RBMS3: variants seen among roughly 807,000 people sequenced by gnomAD.
The protein encoded by RBMS3 is RNA binding motif single stranded interacting protein 3.
A neutral mutation model predicts 66.8 loss-of-function variants in RBMS3; 27 were observed. The observed-to-expected ratio is 0.40, with a 90% CI of 0.30 to 0.56. The LOEUF is 0.56. Among genes scored for constraint, RBMS3 ranks in the 20% least tolerant of loss-of-function variants. RBMS3 has a pLI of 0.40. For missense variants in RBMS3, 513 were observed against 549.5 expected (o/e 0.93, Z 0.66); for synonymous variants, 188 against 183.0 (o/e 1.03, Z -0.22).
intron 10 of RBMS3, among the ~76,000 whole-genome samples, chr3:29,929,684 T>C (rs2061056351): frequency 1.3e-5 from 2 of 152,188 alleles, no homozygotes; most frequent in African/African-American, 4.8e-5. Flanking sequence ...AATGCTATGT[T>C]TATAATTAAT....
chr3:29,493,595 A>G (rs1336099804), intron 3 of RBMS3, among the ~76,000 whole-genome samples: 6 of 152,154 alleles, frequency 3.9e-5, no homozygotes, highest in Admixed American at 3.3e-4. Flanking sequence ...TATTATTATT[A>G]TTATCTTAAC....
At chr3:29,511,889 G>T (rs1047491947) in intron 3 of RBMS3, among the ~76,000 whole-genome samples, 1 of 152,094 alleles carries the variant, frequency 6.6e-6, no homozygotes, top group African/African-American at 2.4e-5. Context: ...GAGCCACTTT[G>T]TTAACACTGT....
At chr3:29,429,191 C>A (rs1011919247) in intron 1 of RBMS3, among the ~76,000 whole-genome samples, 6 of 152,104 alleles carry the variant, frequency 3.9e-5, no homozygotes, top group African/African-American at 1.4e-4. Context: ...TCAGTTTCCT[C>A]ATTTGTAAAA....
At chr3:29,473,681 G>A (rs2042837986) in intron 2 of RBMS3, among the ~76,000 whole-genome samples, 1 of 152,250 alleles carries the variant, frequency 6.6e-6, no homozygotes, top group Non-Finnish European at 1.5e-5. Flanking sequence ...GAGAAATCGA[G>A]TGCAGCGCCA....
chr3:29,755,665 G>T (rs1017377397), intron 5 of RBMS3, among the ~76,000 whole-genome samples: 1 of 152,162 alleles, frequency 6.6e-6, no homozygotes, highest in African/African-American at 2.4e-5. Flanking sequence ...GGGCCTGCTT[G>T]GAAGGACTGT....
chr3:29,298,984 A>G (rs1202336050), intron 1 of RBMS3, among the ~76,000 whole-genome samples: 2 of 151,810 alleles, frequency 1.3e-5, no homozygotes, highest in African/African-American at 2.4e-5. Context: ...GAAGTTGATA[A>G]TTTATTTGAG....
At chr3:29,475,324 C>G (rs1338240912) in intron 2 of RBMS3, among the ~76,000 whole-genome samples, 1 of 151,382 alleles carries the variant, frequency 6.6e-6, no homozygotes, top group Non-Finnish European at 1.5e-5. Flanking sequence ...TCTTGTCTCA[C>G]TGCAACCTCC....
At chr3:29,487,240 G>A (rs1182632611) in intron 2 of RBMS3, among the ~76,000 whole-genome samples, 2 of 151,990 alleles carry the variant, frequency 1.3e-5, no homozygotes, top group Non-Finnish European at 2.9e-5. Flanking sequence ...TGGGGGAGAT[G>A]GGAAAGGGAG....
At chr3:29,926,252 A>C (rs984706163) in intron 10 of RBMS3, among the ~76,000 whole-genome samples, 3 of 152,202 alleles carry the variant, frequency 2.0e-5, no homozygotes, top group African/African-American at 7.2e-5. Context: ...GTTCTTTAAT[A>C]GGGTCGTGAC....
chr3:29,793,166 G>T (rs1298634363), intron 6 of RBMS3, among the ~76,000 whole-genome samples: 2 of 151,862 alleles, frequency 1.3e-5, no homozygotes, highest in African/African-American at 2.4e-5. Context: ...GGGAGGTGGA[G>T]GTTGCAGTGA....
intron 6 of RBMS3, among the ~76,000 whole-genome samples, chr3:29,810,683 A>T (rs909337469): frequency 3.3e-5 from 5 of 152,212 alleles, no homozygotes; most frequent in African/African-American, 1.2e-4. Context: ...GTATACATAT[A>T]TGTGTATGTG....
chr3:29,308,009 T>C (rs1333781585), intron 1 of RBMS3, among the ~76,000 whole-genome samples: 1 of 151,896 alleles, frequency 6.6e-6, no homozygotes, highest in African/African-American at 2.4e-5. Flanking sequence ...GAGTTAAATT[T>C]ATGAAAAATG....
intron 5 of RBMS3, among the ~76,000 whole-genome samples, chr3:29,759,715 C>G (rs897208700): frequency 4.6e-5 from 2 of 43,824 alleles, no homozygotes; most frequent in African/African-American, 1.3e-4. Context: ...CTCTTTCCTC[C>G]CCCCCCAGAG....
intron 2 of RBMS3, among the ~76,000 whole-genome samples, chr3:29,435,846 G>A (rs574166125): frequency 7.9e-5 from 12 of 151,936 alleles, no homozygotes; most frequent in Admixed American, 2.6e-4. Flanking sequence ...ATGGTGGCGG[G>A]CGCCTGTAGT....
At chr3:29,781,916 C>G (rs991536974) in intron 6 of RBMS3, among the ~76,000 whole-genome samples, 3 of 152,008 alleles carry the variant, frequency 2.0e-5, no homozygotes, top group Non-Finnish European at 2.9e-5. Flanking sequence ...CAGCCACAAT[C>G]CCCCCGGGAA....
chr3:29,622,096 T>C (rs2048887294), intron 4 of RBMS3, among the ~76,000 whole-genome samples: 1 of 152,114 alleles, frequency 6.6e-6, no homozygotes, highest in Non-Finnish European at 1.5e-5. Context: ...CTCTAAAATT[T>C]CATGGAAAAA....
At chr3:29,778,525 C>T (rs2056506288) in intron 6 of RBMS3, among the ~76,000 whole-genome samples, 1 of 151,498 alleles carries the variant, frequency 6.6e-6, no homozygotes, top group Non-Finnish European at 1.5e-5. Context: ...TCTCAAACAC[C>T]CTTAGGGAAA....
intron 1 of RBMS3, among the ~76,000 whole-genome samples, chr3:29,304,215 T>C (rs2033863757): frequency 6.6e-6 from 1 of 152,036 alleles, no homozygotes; most frequent in African/African-American, 2.4e-5. Flanking sequence ...GCTGTCATTT[T>C]TGGGTTTCAG....
At chr3:29,637,744 T>C (rs2049527172) in intron 4 of RBMS3, among the ~76,000 whole-genome samples, 1 of 151,914 alleles carries the variant, frequency 6.6e-6, no homozygotes, top group South Asian at 2.1e-4. Context: ...GAGTATTTAT[T>C]ACCAGGATAC....
Sources: allele counts gnomAD v4.1 joint callset (sites outside exome capture counted in the v4.1 genomes callset), GRCh38; gene constraint gnomAD v4.1.1; transcripts MANE v1.5; gene names NCBI Gene and HGNC (gene_info 2026-07-23, HGNC 2026-07-21).